The following TBX2 variants were observed in gnomAD, a reference collection of about 807,000 sequenced individuals.
The protein encoded by TBX2 is T-box transcription factor TBX2.
A neutral mutation model predicts 48.4 loss-of-function variants in TBX2; 19 were observed. The ratio of observed to expected loss-of-function variants is 0.39; its 90% confidence interval spans 0.27 to 0.58. The LOEUF (loss-of-function observed/expected upper bound fraction) is 0.58, where lower values mean the gene tolerates loss of function less well. Among genes scored for constraint, TBX2 ranks in the 20% least tolerant of loss-of-function variants. TBX2 has a pLI of 0.54. For synonymous variants in TBX2, 522 were observed against 459.7 expected, an observed-to-expected ratio of 1.14 and a Z score of -1.73; for missense variants, 994 against 1,006.5, an observed-to-expected ratio of 0.99 and a Z score of 0.17.
chr17:61,400,242 C>T lies in TBX2; in HGVS notation c.66C>T (p.Ala22=), dbSNP rs2060258407. ...AYHPFHAPRP[A]DFPMSAFLAA... The stretch of plus-strand genomic sequence containing the variant: ...ACCCGTTCCACGCGCCACGGCCCGC[C>T]GACTTCCCCATGTCCGCCTTTCTGG... Residue 22 remains alanine, a synonymous_variant, in exon 1 of 7, where the codon GCC becomes GCT. Transcript: ENST00000240328. The surrounding 1 kb of genome is among the most constrained non-coding windows in gnomAD (Gnocchi z 9.2). The T allele has an allele frequency of 2.5e-6, 3 of 1,219,186 alleles. No homozygotes were observed. The highest frequency in any genetic ancestry group is 6.2e-5 in the East Asian group (1 of 16,222). 75.5% of individuals were successfully genotyped at this position (1,219,186 alleles called of 1,614,324 possible).
At chr17:61,402,506 T>C (rs2060268073) in intron 2 of TBX2, among the ~76,000 whole-genome samples, 1 of 149,652 alleles carries the variant, frequency 6.7e-6, no homozygotes, top group African/African-American at 2.5e-5. Context: ...TCTCCATTTA[T>C]GCCTGAGCAA....
At chr17:61,404,277 G>A in intron 3 of TBX2, 144 bp from the exon 4 acceptor site, 1 of 1,013,492 alleles carries the variant, frequency 9.9e-7, no homozygotes, top group Non-Finnish European at 1.4e-6. Context: ...CTCAGCTCGG[G>A]GCGTCCCATC....
chr17:61,404,884 G>C (rs1301872347), intron 5 of TBX2, 115 bp downstream of exon 5: 1 of 1,444,080 alleles, frequency 6.9e-7, no homozygotes, highest in African/African-American at 1.4e-5. Context: ...GGAAACGTCG[G>C]CGAGTGTCTG....
chr17:61,405,128 C>A, intron 5 of TBX2, 74 bp from the exon 6 acceptor site: 1 of 1,486,166 alleles, frequency 6.7e-7, no homozygotes, highest in South Asian at 1.3e-5. Context: ...GAGAGCAGCC[C>A]TTCCCGAGTG....
chr17:61,406,093 T>C lies in TBX2; in HGVS notation c.1686+257T>C. On this transcript the variant is annotated intron_variant, in intron 6 of 6. Transcript: ENST00000240328. The surrounding 1 kb of genome is among the most constrained non-coding windows in gnomAD (Gnocchi z 5.7). ...CCTTTGGCAAGTCCCTGACCCTCTC[T>C]GGGCCTGCTTCCTTCCCTATAGCCC... The C allele has an allele frequency of 2.7e-6, 1 of 374,090 alleles. No homozygotes were observed. Among genetic ancestry groups the C allele is most frequent in the Non-Finnish European group, 4.7e-6 (1 of 211,912 alleles). The allele number at this position is 374,090 out of a possible 1,614,324, so 23.2% of individuals were successfully genotyped here.
chr17:61,404,740 C>A lies in TBX2; in HGVS notation c.1022C>A (p.Pro341His). 1 of 1,551,344 alleles carries A rather than the reference C, an allele frequency of 6.4e-7. No homozygotes were observed. Among genetic ancestry groups the A allele is most frequent in the Non-Finnish European group, 8.7e-7 (1 of 1,150,000 alleles). ...CCACCCACCTCCCCGGGCGCAGCGCCCAGTCCGCTGCGCCTGCACCGGGCC... is the reference window on the plus strand; with the variant it reads ...CCACCCACCTCCCCGGGCGCAGCGCACAGTCCGCTGCGCCTGCACCGGGCC... ...REPPTSPGAAPSPLRLHRARA... is the reference protein window; with the variant it reads ...REPPTSPGAAHSPLRLHRARA... Residue 341 changes from proline to histidine, a missense_variant, in exon 5 of 7, where the codon CCC becomes CAC. Coordinates refer to ENST00000240328, the MANE Select transcript of TBX2 (RefSeq NM_005994.4).
Position 61,400,212 on chromosome 17 carries a change from T to C in TBX2, c.36T>C (p.Ala12=). ...CGGCGCTGGCGGCCAGCGCCATGGC[T>C]TACCACCCGTTCCACGCGCCACGGC... The part of the protein sequence containing the change: ...REPALAASAM[A]YHPFHAPRPA... Residue 12 remains alanine, a synonymous_variant, in exon 1 of 7, where the codon GCT becomes GCC. Transcript: ENST00000240328. The surrounding 1 kb of genome is among the most constrained non-coding windows in gnomAD (Gnocchi z 9.2). 1 of 1,207,338 alleles carries C rather than the reference T, an allele frequency of 8.3e-7. No individual in the cohort carries two copies. Among genetic ancestry groups the C allele is most frequent in the South Asian group, 1.5e-5 (1 of 65,682 alleles). 74.8% of individuals were successfully genotyped at this position (1,207,338 alleles called of 1,614,324 possible).
chr17:61,401,549 G>A, intron 1 of TBX2, 135 bp from the exon 2 acceptor site: 1 of 1,275,572 alleles, frequency 7.8e-7, no homozygotes, highest in South Asian at 1.5e-5. Context: ...TGAGAGGGCA[G>A]AGCAGCCGAC....
In TBX2 at chr17:61,409,151, T is replaced by C. The variant is rs550696913; in HGVS notation, c.*645T>C. 6 of 152,756 alleles carry C rather than the reference T, an allele frequency of 3.9e-5. No individual in the cohort carries two copies. In the East Asian group the frequency reaches 1.2e-3, roughly 29 times the overall value. The allele number at this position is 152,756 out of a possible 1,614,324, so 9.5% of individuals were successfully genotyped here. Reference sequence around the variant, plus strand: ...CTTTAAGGTTCCCAGAATATGCAAATTGGTATTAATTTATTCAAAGGTGTA... The same window carrying C: ...CTTTAAGGTTCCCAGAATATGCAAACTGGTATTAATTTATTCAAAGGTGTA... On this transcript the variant is annotated 3_prime_UTR_variant, in exon 7 of 7. Coordinates refer to ENST00000240328, the MANE Select transcript of TBX2 (RefSeq NM_005994.4).
chr17:61,400,078 T>G lies in TBX2; in HGVS notation c.-99T>G. On this transcript the variant is annotated 5_prime_UTR_variant, in exon 1 of 7. Coordinates refer to ENST00000240328, the MANE Select transcript of TBX2 (RefSeq NM_005994.4). The surrounding 1 kb of genome is among the most constrained non-coding windows in gnomAD (Gnocchi z 9.2). ...GCAGCTGCTGCGCCCGCCACCCGGG[T>G]CGTCCGTCCACCGCGCGCGCCGCCG... is the stretch of plus-strand genomic sequence containing the variant. The G allele has an allele frequency of 3.6e-6, 2 of 552,254 alleles. No individual in the cohort carries two copies. The highest frequency in any genetic ancestry group is 7.6e-5 in the South Asian group (1 of 13,220). The allele number at this position is 552,254 out of a possible 1,614,324, so 34.2% of individuals were successfully genotyped here.
Position 61,403,496 on chromosome 17 carries a change from G to C in TBX2, c.810+289G>C, listed in dbSNP as rs1461956454. Reference sequence around the variant, plus strand: ...AACAATTAGCTGAGACTCCGGGCCCGCGCTGACATTTTTACATTTTATTCG... The same window carrying C: ...AACAATTAGCTGAGACTCCGGGCCCCCGCTGACATTTTTACATTTTATTCG... On this transcript the variant is annotated intron_variant, in intron 3 of 6. Transcript: ENST00000240328. The surrounding 1 kb of genome is among the most constrained non-coding windows in gnomAD (Gnocchi z 5.8). Among the ~76,000 whole-genome samples, 4 of 152,244 alleles carry C rather than the reference G, an allele frequency of 2.6e-5. No homozygotes were observed.
intron 5 of TBX2, 125 bp downstream of exon 5, chr17:61,404,894 G>C (rs1425511077): frequency 7.1e-7 from 1 of 1,414,744 alleles, no homozygotes; most frequent in Admixed American, 2.0e-5. Context: ...GCGAGTGTCT[G>C]GGATGGGGTT....
chr17:61,405,149 TGCTCGTCGGCCTCC>T (rs1819318228), intron 5 of TBX2, 39 bp from the exon 6 acceptor site: 1 of 1,468,380 alleles, frequency 6.8e-7, no homozygotes, highest in Admixed American at 2.4e-5. Flanking sequence ...TCCCTGATCC[TGCTCGTCGGCCTCC>T]GCCCAGGCCC....
chr17:61,401,692 TC>T lies in TBX2; in HGVS notation c.411del (p.Phe138SerfsTer17). The T allele has an allele frequency of 6.2e-7, 1 of 1,611,442 alleles. No individual in the cohort carries two copies. Among genetic ancestry groups the T allele is most frequent in the Non-Finnish European group, 8.5e-7 (1 of 1,179,202 alleles). Reference protein sequence around the residue: ...MVITKSGRRMFPPFKVRVSGL... With the variant: ...MVITKSGRRMXPPFKVRVSGL... Reference sequence around the variant, plus strand: ...CCTTCCCTCCCTCCCAGGCGGATGTTCCCCCCCTTCAAGGTGCGAGTCAGCG... The same window carrying T: ...CCTTCCCTCCCTCCCAGGCGGATGTTCCCCCCTTCAAGGTGCGAGTCAGCG... On this transcript the variant is annotated frameshift_variant, in exon 2 of 7. Transcript: ENST00000240328. LOFTEE classifies it high-confidence loss of function.
chr17:61,402,545 T>C (rs1429363817), intron 2 of TBX2, among the ~76,000 whole-genome samples: 1 of 151,826 alleles, frequency 6.6e-6, no homozygotes, highest in Non-Finnish European at 1.5e-5. Context: ...TGGTGTTTCA[T>C]AGGGTAAAAG....
Position 61,400,647 on chromosome 17 carries a change from G to A in TBX2, c.395+76G>A. On this transcript the variant is annotated intron_variant, in intron 1 of 6. Transcript: ENST00000240328. This position sits in a 1 kb window ranked among gnomAD's most constrained non-coding sequence, Gnocchi z 9.2. ...GCACGGGACTGCACGGATCAGAGCAGAGCTGGGGACTCCCGGCTCCCGGCT... is the reference window on the plus strand; with the variant it reads ...GCACGGGACTGCACGGATCAGAGCAAAGCTGGGGACTCCCGGCTCCCGGCT... 7.0e-7 allele frequency: 1 copy of A among 1,421,946 alleles called. No homozygotes were observed. The highest frequency in any genetic ancestry group is 9.4e-7 in the Non-Finnish European group (1 of 1,060,758). 88.1% of individuals were successfully genotyped at this position (1,421,946 alleles called of 1,614,324 possible).
chr17:61,404,576 C>T lies in TBX2; in HGVS notation c.888-30C>T, dbSNP rs778476776. 14 of 1,592,720 alleles carry T rather than the reference C, an allele frequency of 8.8e-6. No individual in the cohort carries two copies. In the Admixed American group the frequency reaches 1.7e-4, roughly 20 times the overall value. ...AGGAGGGATGGAGGGATGGGCTCCC[C>T]GCTGACCTGGTTCATCCGCTCATCC... On this transcript the variant is annotated intron_variant, in intron 4 of 6. Transcript: ENST00000240328.
In TBX2 at chr17:61,409,076, GAAAAA is replaced by G. The variant is rs34091020; in HGVS notation, c.*578_*582del. 1 of 148,256 alleles carries G rather than the reference GAAAAA, an allele frequency of 6.7e-6. No homozygotes were observed. Among genetic ancestry groups the G allele is most frequent in the East Asian group, 2.0e-4 (1 of 5,052 alleles). 9.2% of individuals were successfully genotyped at this position (148,256 alleles called of 1,614,324 possible). A position where few individuals can be genotyped will look rare whatever the true frequency, so the allele number is the denominator to read the frequency against. ...GCACTTCTGCCTTGAGTCCCCAGGGGAAAAAAAAAAAAGATATTTATGAAATAAAT... is the reference window on the plus strand; with the variant it reads ...GCACTTCTGCCTTGAGTCCCCAGGGGAAAAAAAGATATTTATGAAATAAAT... On this transcript the variant is annotated 3_prime_UTR_variant, in exon 7 of 7. Transcript: ENST00000240328.
intron 2 of TBX2, among the ~76,000 whole-genome samples, chr17:61,402,454 C>T (rs1365205376): frequency 1.3e-5 from 2 of 149,440 alleles, no homozygotes; most frequent in Non-Finnish European, 3.0e-5. Context: ...TCCCTCCTCC[C>T]ACAGGCAGAT....
Sources: gnomAD v4.1 joint callset for allele counts (sites outside exome capture counted in the v4.1 genomes callset) on GRCh38, gnomAD v4.1.1 for gene constraint, Gnocchi (gnomAD v3.1) non-coding constraint, MANE v1.5 for transcripts, NCBI Gene and HGNC (gene_info 2026-07-23, HGNC 2026-07-21) for gene names.